Variants in HMGB1 observed in about 807,000 individuals in gnomAD.
The protein encoded by HMGB1 is high mobility group protein B1.
For synonymous variants in HMGB1, 81 were observed against 84.0 expected, an observed-to-expected ratio of 0.96 and a Z score of 0.19; for missense variants, 79 against 253.5, an observed-to-expected ratio of 0.31 and a Z score of 4.67.
chr13:30,461,337 A>C lies in HMGB1; in HGVS notation c.*20T>G, dbSNP rs1217356916. 6.5e-7 allele frequency: 1 copy of C among 1,540,088 alleles called. No individual in the cohort carries two copies. The highest frequency in any genetic ancestry group is 8.7e-7 in the Non-Finnish European group (1 of 1,150,516). On this transcript the variant is annotated 3_prime_UTR_variant, in exon 5 of 5. Transcript: ENST00000341423. Reference sequence around the variant, plus strand: ...TAAATGCTTTATAGACAAGAAAAAAAAAACTGCGCTAGAACCAACTTATTC... The same window carrying C: ...TAAATGCTTTATAGACAAGAAAAAACAAACTGCGCTAGAACCAACTTATTC...
rs555232226 is a variant in HMGB1 at position 30,565,737 on chromosome 13, T to C, written c.-15+50934A>G. Among the ~76,000 whole-genome samples, 8 of 152,328 alleles carry C rather than the reference T, an allele frequency of 5.3e-5. No homozygotes were observed. The East Asian group carries it at 1.5e-3, about 29-fold the overall frequency. On this transcript the variant is annotated intron_variant, in intron 1 of 4. Transcript: ENST00000405805. ...CAAAAAAGATGTCTGATATTTACTC[T>C]CTGGCTGCCTAGGAGTGCTTCTCAT...
chr13:30,538,524 C>T (rs867732615), intron 1 of HMGB1, among the ~76,000 whole-genome samples: 25 of 76,780 alleles, frequency 3.3e-4, no homozygotes, highest in African/African-American at 2.2e-3. Flanking sequence ...TCTTTCTTTC[C>T]TTTCTTTCTT....
At chr13:30,554,751 G>T in intron 1 of HMGB1, 1 of 768,850 alleles carries the variant, frequency 1.3e-6, no homozygotes, top group East Asian at 2.4e-5. Context: ...AGCTCAGAAG[G>T]TGCAGCAGAT....
At chr13:30,475,399 A>G (rs1887071336) in intron 1 of HMGB1, among the ~76,000 whole-genome samples, 2 of 150,046 alleles carry the variant, frequency 1.3e-5, no homozygotes, top group Admixed American at 6.7e-5. Context: ...TTTTGTAGAG[A>G]TGGGGGTCTC....
intron 1 of HMGB1, among the ~76,000 whole-genome samples, chr13:30,513,831 C>G (rs1888044048): frequency 6.6e-6 from 1 of 152,156 alleles, no homozygotes; most frequent in Non-Finnish European, 1.5e-5. Flanking sequence ...CAGTGGGGAT[C>G]AAGTTTCAAC....
chr13:30,472,791 A>G (rs1886976048), intron 1 of HMGB1, among the ~76,000 whole-genome samples: 1 of 152,086 alleles, frequency 6.6e-6, no homozygotes, highest in Non-Finnish European at 1.5e-5. Context: ...GCTAACCCAA[A>G]ATGTCTGATG....
intron 1 of HMGB1, among the ~76,000 whole-genome samples, chr13:30,603,383 C>T (rs1255305829): frequency 1.3e-5 from 2 of 152,186 alleles, no homozygotes. Flanking sequence ...ATTGGCTCCA[C>T]TCCTTCTCCT....
At chr13:30,461,815 T>A in intron 4 of HMGB1, 2 of 572,098 alleles carry the variant, frequency 3.5e-6, no homozygotes, top group Non-Finnish European at 5.9e-6. Context: ...CTAACTCTAT[T>A]AAAACCAGAA....
At chr13:30,476,568 G>C (rs1054753204) in intron 1 of HMGB1, among the ~76,000 whole-genome samples, 8 of 152,096 alleles carry the variant, frequency 5.3e-5, no homozygotes, top group African/African-American at 1.9e-4. Flanking sequence ...ACTATACATA[G>C]AGTATTTTGT....
chr13:30,616,772 C>T (rs938806932), exon 1 of HMGB1: 8 of 152,168 alleles, frequency 5.3e-5, no homozygotes, highest in African/African-American at 1.9e-4. Context: ...TAAATAATTT[C>T]TTCTACACGA....
intron 1 of HMGB1, among the ~76,000 whole-genome samples, chr13:30,600,398 A>C (rs1475891226): frequency 1.3e-5 from 2 of 151,598 alleles, no homozygotes. Flanking sequence ...AATTTTGTTT[A>C]AGATAATAAG....
At chr13:30,527,971 T>C (rs1888409013) in intron 1 of HMGB1, among the ~76,000 whole-genome samples, 1 of 152,170 alleles carries the variant, frequency 6.6e-6, no homozygotes, top group African/African-American at 2.4e-5. Context: ...TATTTCAAAA[T>C]TTTATTTAAA....
intron 1 of HMGB1, among the ~76,000 whole-genome samples, chr13:30,591,109 C>A (rs1180417941): frequency 6.7e-6 from 1 of 149,078 alleles, no homozygotes; most frequent in Non-Finnish European, 1.5e-5. Flanking sequence ...TGGCTCACTG[C>A]AACCTCCACC....
chr13:30,541,303 G>T (rs543090936), intron 1 of HMGB1, among the ~76,000 whole-genome samples: 31 of 151,990 alleles, frequency 2.0e-4, no homozygotes, highest in Non-Finnish European at 3.5e-4. Flanking sequence ...AATCCAACAT[G>T]GGCAACGTAG....
intron 1 of HMGB1, among the ~76,000 whole-genome samples, chr13:30,511,860 C>T (rs1260987481): frequency 6.6e-6 from 1 of 152,194 alleles, no homozygotes; most frequent in African/African-American, 2.4e-5. Flanking sequence ...ATTCAGAGGA[C>T]AAGTCATAAT....
At chr13:30,461,560 A>G (rs893820465) in intron 4 of HMGB1, 27 bp from the exon 5 acceptor site, 3 of 1,573,018 alleles carry the variant, frequency 1.9e-6, no homozygotes, top group African/African-American at 1.4e-5. Context: ...AGGATAAAAC[A>G]GTAGGGAAGA....
At position 30,596,146 on chromosome 13, in the gene HMGB1, C is replaced by A. The variant is rs376032883; in HGVS notation, c.-15+20525G>T. On this transcript the variant is annotated intron_variant, in intron 1 of 4. Transcript: ENST00000405805. ...GTAACCTTTTTAATTTAGTTCTTCA[C>A]TGAATAATCTGGCCAGTAATTGTAA... 8.5e-5 allele frequency among the ~76,000 whole-genome samples: 13 copies of A among 152,268 alleles called. No individual in the cohort carries two copies. In the East Asian group the frequency reaches 1.5e-3, roughly 18 times the overall value.
At chr13:30,471,119 C>T (rs1886913886) in intron 1 of HMGB1, among the ~76,000 whole-genome samples, 1 of 151,786 alleles carries the variant, frequency 6.6e-6, no homozygotes, top group Admixed American at 6.6e-5. Context: ...GCTGGGACTA[C>T]AGGCACGCGC....
chr13:30,465,873 A>C lies in HMGB1; in HGVS notation c.-92T>G, dbSNP rs1886759784. On this transcript the variant is annotated 5_prime_UTR_variant, in exon 1 of 5. Coordinates refer to ENST00000341423, the MANE Select transcript of HMGB1 (RefSeq NM_002128.7). ...GTGCTGTCTCTATGGAGCTCAATGT[A>C]CTGCAATGGCTGTGAGAGCGGGAGC... 2.0e-6 allele frequency: 2 copies of C among 985,654 alleles called. No homozygotes were observed. Among genetic ancestry groups the C allele is most frequent in the Non-Finnish European group, 2.4e-6 (2 of 829,882 alleles). The allele number at this position is 985,654 out of a possible 1,614,324, so 61.1% of individuals were successfully genotyped here.
Sources: allele counts gnomAD v4.1 joint callset (sites outside exome capture counted in the v4.1 genomes callset), GRCh38; gene constraint gnomAD v4.1.1; transcripts MANE v1.5; gene names NCBI Gene and HGNC (gene_info 2026-07-23, HGNC 2026-07-21).